Variants in CCDC3 observed in about 807,000 individuals in gnomAD.
CCDC3 encodes coiled-coil domain-containing protein 3.
In CCDC3, 24 loss-of-function variants were observed where a neutral mutation model predicts 21.4. The observed-to-expected ratio is 1.12, with a 90% CI of 0.81 to 1.58. CCDC3 has a LOEUF of 1.58. Among genes scored for constraint, CCDC3 ranks in the 40% most tolerant of loss-of-function variants. CCDC3 has a pLI of 0.00. For missense variants in CCDC3, 425 were observed against 360.9 expected (o/e 1.18, Z -1.44); for synonymous variants, 186 against 166.0 (o/e 1.12, Z -0.93).
intron 3 of CCDC3, among the ~76,000 whole-genome samples, chr10:13,089,622 C>T (rs1564345158): frequency 6.6e-6 from 1 of 152,004 alleles, no homozygotes; most frequent in African/African-American, 2.4e-5. Flanking sequence ...TTTCTTTCAG[C>T]ACCCCCCCTT....
At chr10:12,930,545 T>C (rs530223630) in intron 2 of CCDC3, among the ~76,000 whole-genome samples, 8 of 152,352 alleles carry the variant, frequency 5.3e-5, no homozygotes, top group African/African-American at 1.2e-4. Flanking sequence ...CTTTGTGCAA[T>C]TGACAACTGT....
At chr10:12,912,360 G>A (rs922020541) in intron 2 of CCDC3, among the ~76,000 whole-genome samples, 2 of 152,020 alleles carry the variant, frequency 1.3e-5, no homozygotes, top group African/African-American at 4.8e-5. Context: ...TTTAATTTGC[G>A]TGTCCCTGAT....
chr10:13,061,783 T>C (rs757263344), intron 4 of CCDC3, among the ~76,000 whole-genome samples: 17 of 152,166 alleles, frequency 1.1e-4, no homozygotes, highest in African/African-American at 9.7e-5. Context: ...AGATAAAAGA[T>C]TGTGGAGACT....
chr10:12,965,931 G>A (rs574514457), intron 2 of CCDC3, among the ~76,000 whole-genome samples: 54 of 152,320 alleles, frequency 3.5e-4, no homozygotes, highest in African/African-American at 1.1e-3. Context: ...AAATCATTGA[G>A]TCTTGTGAAA....
At chr10:13,053,006 G>T (rs192247067) in intron 4 of CCDC3, among the ~76,000 whole-genome samples, 1 of 146,862 alleles carries the variant, frequency 6.8e-6, no homozygotes, top group Admixed American at 6.8e-5. Flanking sequence ...ACACCTAGAA[G>T]TTCCAATGTT....
In CCDC3 at chr10:12,967,600, T is replaced by G. The variant is rs115279518; in HGVS notation, c.549+30738A>C. ...GTCTGTGAACTCAAAGACAGGTTAT[T>G]TGAAAATATGCAGCCAGCAAAGAAA... On this transcript the variant is annotated intron_variant, in intron 2 of 2. Coordinates refer to ENST00000378825, the MANE Select transcript of CCDC3 (RefSeq NM_031455.4). Among the ~76,000 whole-genome samples the G allele has an allele frequency of 4.0e-3, 614 of 152,102 alleles. 3 individuals carry two copies. Among genetic ancestry groups the G allele is most frequent in the African/African-American group, 0.014 (588 of 41,508 alleles).
At chr10:12,998,684 A>G (rs1835801392) in intron 1 of CCDC3, among the ~76,000 whole-genome samples, 172 bp from the exon 2 acceptor site, 1 of 152,166 alleles carries the variant, frequency 6.6e-6, no homozygotes, top group African/African-American at 2.4e-5. Flanking sequence ...ACGCTACATC[A>G]GTCTATCCTT....
chr10:13,023,858 G>A (rs993210152), intron 5 of CCDC3, among the ~76,000 whole-genome samples: 3 of 152,176 alleles, frequency 2.0e-5, no homozygotes, highest in African/African-American at 4.8e-5. Flanking sequence ...CTAAAGAGGT[G>A]TGTTTTCTGG....
intron 2 of CCDC3, among the ~76,000 whole-genome samples, chr10:12,939,521 G>T (rs1198845645): frequency 6.6e-6 from 1 of 152,166 alleles, no homozygotes; most frequent in Admixed American, 6.5e-5. Context: ...TACTTGGGAG[G>T]CTGAGGGGGG....
At chr10:12,907,074 C>T (rs527390333) in intron 2 of CCDC3, among the ~76,000 whole-genome samples, 40 of 152,300 alleles carry the variant, frequency 2.6e-4, no homozygotes, top group African/African-American at 9.6e-4. Context: ...TTTCCTGGTT[C>T]CATTGTCAAG....
At chr10:13,000,500 G>A (rs1002997930) in intron 1 of CCDC3, among the ~76,000 whole-genome samples, 2 of 152,134 alleles carry the variant, frequency 1.3e-5, no homozygotes, top group Non-Finnish European at 2.9e-5. Context: ...TCAAAGCATT[G>A]CTACCCAGGA....
chr10:12,975,096 C>T (rs1418181426), intron 2 of CCDC3, among the ~76,000 whole-genome samples: 1 of 152,214 alleles, frequency 6.6e-6, no homozygotes, highest in Admixed American at 6.5e-5. Context: ...TCACGCCGCT[C>T]TAGTCACTAG....
At chr10:12,927,647 T>C (rs1446681727) in intron 2 of CCDC3, among the ~76,000 whole-genome samples, 1 of 152,034 alleles carries the variant, frequency 6.6e-6, no homozygotes, top group Non-Finnish European at 1.5e-5. Flanking sequence ...AATATGAAAA[T>C]AAAAAGCAAT....
chr10:13,047,054 G>A (rs943362016), intron 5 of CCDC3, among the ~76,000 whole-genome samples: 3 of 152,134 alleles, frequency 2.0e-5, no homozygotes, highest in African/African-American at 7.2e-5. Context: ...GGTGAGGGAT[G>A]TTTTGCATTT....
At chr10:13,061,786 T>G (rs1351585237) in intron 4 of CCDC3, among the ~76,000 whole-genome samples, 1 of 152,200 alleles carries the variant, frequency 6.6e-6, no homozygotes, top group Non-Finnish European at 1.5e-5. Context: ...TAAAAGATTG[T>G]GGAGACTGAG....
intron 2 of CCDC3, among the ~76,000 whole-genome samples, chr10:12,971,095 C>A (rs1037013190): frequency 6.6e-6 from 1 of 152,088 alleles, no homozygotes; most frequent in Non-Finnish European, 1.5e-5. Context: ...AGCCTTATAC[C>A]GTTAATGTGA....
At chr10:12,921,497 G>A (rs1012304220) in intron 2 of CCDC3, among the ~76,000 whole-genome samples, 1 of 152,120 alleles carries the variant, frequency 6.6e-6, no homozygotes, top group African/African-American at 2.4e-5. Flanking sequence ...ACACTTCTCT[G>A]ACCAGTGCAA....
In CCDC3 at chr10:13,032,875, G is replaced by A. The variant is rs561445069; in HGVS notation, c.-2+16799C>T. 6.0e-4 allele frequency among the ~76,000 whole-genome samples: 91 copies of A among 152,198 alleles called. 1 individual carries two copies. The highest frequency in any genetic ancestry group is 1.2e-3 in the African/African-American group (48 of 41,530). ...ACAAAGGGAAGAACATTCCATGCTC[G>A]TGGATAGGAAGAATCAATATCGTGA... On this transcript the variant is annotated intron_variant, in intron 5 of 6. Transcript: ENST00000378839.
At chr10:12,971,209 G>A (rs1341955875) in intron 2 of CCDC3, among the ~76,000 whole-genome samples, 1 of 152,216 alleles carries the variant, frequency 6.6e-6, no homozygotes, top group African/African-American at 2.4e-5. Context: ...CTAAGTAGCT[G>A]GCGTGAGCAG....
Sources: gnomAD v4.1 joint callset for allele counts (sites outside exome capture counted in the v4.1 genomes callset) on GRCh38, gnomAD v4.1.1 for gene constraint, MANE v1.5 for transcripts, NCBI Gene and HGNC (gene_info 2026-07-23, HGNC 2026-07-21) for gene names.